FHDC1: variants seen among roughly 807,000 people sequenced by gnomAD.
FHDC1 encodes the protein FH2 domain-containing protein 1.
Under a neutral mutation model 52.6 loss-of-function variants are expected in FHDC1, and 25 were observed. That is an observed-to-expected ratio of 0.48 (90% CI 0.35 to 0.66). FHDC1 has a LOEUF of 0.66. FHDC1 is among the 30% of genes least tolerant of loss of function. The probability of loss-of-function intolerance (pLI) is 0.01; values close to 1 mark genes in which losing one functional copy is unlikely to be tolerated. For missense variants in FHDC1, 1,459 were observed against 1,452.8 expected (o/e 1.00, Z -0.07); for synonymous variants, 616 against 581.5 (o/e 1.06, Z -0.85).
chr4:152,959,585 G>C (rs145750657), intron 4 of FHDC1, among the ~76,000 whole-genome samples: 225 of 152,182 alleles, frequency 1.5e-3, no homozygotes, highest in African/African-American at 5.0e-3. Flanking sequence ...GGGCTTTTTG[G>C]GGGAGGGGCT....
intron 4 of FHDC1, among the ~76,000 whole-genome samples, chr4:152,954,694 A>T (rs11099861): frequency 6.6e-6 from 1 of 151,858 alleles, no homozygotes; most frequent in African/African-American, 2.4e-5. Flanking sequence ...CTCTAAAAAA[A>T]AAAGAAAGAA....
At chr4:152,935,645 ACGGTAAC>A (rs1202432473), upstream of FHDC1, among the ~76,000 whole-genome samples, 3 of 152,096 alleles carry the variant, frequency 2.0e-5, no homozygotes, top group African/African-American at 4.8e-5. Flanking sequence ...AAAATAAAAA[ACGGTAAC>A]AAATTTACAG....
chr4:152,973,693 G>C (rs1416323020), intron 11 of FHDC1, among the ~76,000 whole-genome samples: 2 of 152,264 alleles, frequency 1.3e-5, no homozygotes, highest in Non-Finnish European at 2.9e-5. Context: ...TCCCCGGCTA[G>C]AGCCCCACAG....
At chr4:152,947,232 GA>G (rs1240000645) in intron 2 of FHDC1, among the ~76,000 whole-genome samples, 3 of 147,714 alleles carry the variant, frequency 2.0e-5, no homozygotes, top group Non-Finnish European at 4.5e-5. Flanking sequence ...AAAAAAAAAA[GA>G]AAAAAAGACA....
chr4:152,972,735 G>A (rs1232622697), intron 11 of FHDC1, among the ~76,000 whole-genome samples, 194 bp downstream of exon 11: 1 of 152,210 alleles, frequency 6.6e-6, no homozygotes, highest in Admixed American at 6.5e-5. Flanking sequence ...CCGAGGGCTT[G>A]CATAGCATCA....
In FHDC1 at chr4:152,978,735, TATG is replaced by T. The variant is rs1472618021; in HGVS notation, c.*2016_*2018del. 6.6e-6 allele frequency: 1 copy of T among 152,174 alleles called. No homozygotes were observed. Among genetic ancestry groups the T allele is most frequent in the East Asian group, 1.9e-4 (1 of 5,200 alleles). 9.4% of individuals were successfully genotyped at this position (152,174 alleles called of 1,614,324 possible). A position where few individuals can be genotyped will look rare whatever the true frequency, so the allele number is the denominator to read the frequency against. Reference sequence around the variant, plus strand: ...TGGTAGATAGATGGATTTAGGCAAATATGATGCGTTTGTGGGGAATCCACGTGG... The same window carrying T: ...TGGTAGATAGATGGATTTAGGCAAATATGCGTTTGTGGGGAATCCACGTGG... On this transcript the variant is annotated 3_prime_UTR_variant, in exon 12 of 12. Coordinates refer to ENST00000511601, the MANE Select transcript of FHDC1 (RefSeq NM_001371116.1).
chr4:152,930,987 ACACACACACACT>A, the FHDC1 span, among the ~76,000 whole-genome samples: 1 of 145,718 alleles, frequency 6.9e-6, no homozygotes, highest in Non-Finnish European at 1.5e-5. Flanking sequence ...ACACACACAC[ACACACACACACT>A]CTCTCTCTCT....
At chr4:152,927,694 T>C in the FHDC1 span, 8 of 1,549,436 alleles carry the variant, frequency 5.2e-6, no homozygotes, top group South Asian at 6.7e-5. Context: ...GAGGCTTAGA[T>C]GAAGATGAGA....
upstream of FHDC1, among the ~76,000 whole-genome samples, chr4:152,931,455 AACACACACACACACAC>A (rs56142204): frequency 3.5e-3 from 448 of 127,258 alleles, 2 homozygotes; most frequent in Middle Eastern, 0.012. Context: ...CAGCCTCTAA[AACACACACACACACAC>A]ACACACACAC....
upstream of FHDC1, among the ~76,000 whole-genome samples, chr4:152,935,610 A>G (rs1031052087): frequency 5.3e-5 from 8 of 152,006 alleles, no homozygotes. Context: ...TGTTACCATC[A>G]TCATTGAGAA....
In FHDC1 at chr4:152,943,277, C is replaced by T; in HGVS notation, c.220C>T (p.Pro74Ser). ...PPLPGEPPIP[P>S]PPPGLPPTTH... is the part of the protein sequence containing the mutation. ...ACTTCCTGGGGAGCCTCCCATCCCACCTCCCCCACCAGGCCTACCCCCAAC... is the reference window on the plus strand; with the variant it reads ...ACTTCCTGGGGAGCCTCCCATCCCATCTCCCCCACCAGGCCTACCCCCAAC... The change falls in exon 2 of 12, where the codon CCT becomes TCT. Residue 74 changes from proline to serine, a missense_variant. Around this residue, in one of 3 missense-constraint regions of FHDC1, gnomAD observed 513 missense variants for 581.5 expected, o/e 0.88. Coordinates refer to ENST00000511601, the MANE Select transcript of FHDC1 (RefSeq NM_001371116.1). 3.1e-6 allele frequency: 5 copies of T among 1,603,044 alleles called. No homozygotes were observed. The highest frequency in any genetic ancestry group is 4.3e-6 in the Non-Finnish European group (5 of 1,172,328).
intron 2 of FHDC1, among the ~76,000 whole-genome samples, chr4:152,949,894 G>A (rs1032525394): frequency 6.6e-6 from 1 of 152,180 alleles, no homozygotes; most frequent in Non-Finnish European, 1.5e-5. Context: ...TCTTTGGTAG[G>A]AATTTTGGGG....
intron 2 of FHDC1, among the ~76,000 whole-genome samples, chr4:152,949,792 C>T (rs1032070945): frequency 1.3e-5 from 2 of 152,198 alleles, no homozygotes; most frequent in African/African-American, 2.4e-5. Context: ...AGGCCCCCTT[C>T]GCATCCTAGC....
At position 152,937,069 on chromosome 4, in the gene FHDC1, G is replaced by A. The variant is rs562051427; in HGVS notation, c.-131+660G>A. ...GAGGGGGAGGAAGCGGGTGGGCTGG[G>A]GATCAGCCTCCAAACAAGGGGTGTC... On this transcript the variant is annotated intron_variant, in intron 1 of 11. Coordinates refer to ENST00000511601, the MANE Select transcript of FHDC1 (RefSeq NM_001371116.1). 2.0e-4 allele frequency among the ~76,000 whole-genome samples: 31 copies of A among 152,336 alleles called. No homozygotes were observed. The East Asian group carries it at 5.0e-3, about 25-fold the overall frequency.
At chr4:152,972,977 T>G (rs1199004122) in intron 11 of FHDC1, among the ~76,000 whole-genome samples, 1 of 152,180 alleles carries the variant, frequency 6.6e-6, no homozygotes, top group Non-Finnish European at 1.5e-5. Flanking sequence ...TTTCCCTTCT[T>G]CCAAGCTCTG....
chr4:152,922,771 A>G, the FHDC1 span, among the ~76,000 whole-genome samples: 833 of 152,194 alleles, frequency 5.5e-3, 8 homozygotes, highest in African/African-American at 0.018. Flanking sequence ...TGATTATCTC[A>G]ATAGATGCAG....
intron 8 of FHDC1, among the ~76,000 whole-genome samples, chr4:152,963,789 T>G (rs1365062519): frequency 9.9e-5 from 14 of 141,660 alleles, no homozygotes; most frequent in Admixed American, 1.4e-4. Context: ...TTTTTTTTTT[T>G]TTTTTTTTTT....
chr4:152,965,895 C>T (rs1740442327), intron 9 of FHDC1, among the ~76,000 whole-genome samples: 1 of 152,196 alleles, frequency 6.6e-6, no homozygotes, highest in African/African-American at 2.4e-5. Flanking sequence ...AACCATAGCT[C>T]ACAGCCCTGC....
chr4:152,968,919 C>A (rs977934335), intron 10 of FHDC1, among the ~76,000 whole-genome samples: 3 of 152,126 alleles, frequency 2.0e-5, no homozygotes, highest in African/African-American at 7.2e-5. Flanking sequence ...AGCAGCAGAA[C>A]ACATGAGAGC....
Sources: allele counts gnomAD v4.1 joint callset (sites outside exome capture counted in the v4.1 genomes callset), GRCh38; gene constraint gnomAD v4.1.1; regional missense constraint gnomAD v4.1.1; transcripts MANE v1.5; gene names NCBI Gene and HGNC (gene_info 2026-07-23, HGNC 2026-07-21).